PCDHGA3: variants seen among roughly 807,000 people sequenced by gnomAD.
PCDHGA3 encodes protocadherin gamma subfamily A, 3.
A neutral mutation model predicts 58.5 loss-of-function variants in PCDHGA3; 40 were observed. The observed-to-expected ratio is 0.68, with a 90% confidence interval of 0.53 to 0.89. The LOEUF (loss-of-function observed/expected upper bound fraction) is 0.89. Ranked by LOEUF, PCDHGA3 falls within the 40% of genes least tolerant of loss-of-function variation. PCDHGA3 has a pLI of 0.00. For synonymous variants in PCDHGA3, 530 were observed against 525.7 expected (o/e 1.01, Z -0.11); for missense variants, 1,223 against 1,195.9 (o/e 1.02, Z -0.33).
At chr5:141,465,889 G>A (rs956310325) in intron 1 of PCDHGA3, among the ~76,000 whole-genome samples, 4 of 152,056 alleles carry the variant, frequency 2.6e-5, no homozygotes, top group Admixed American at 6.5e-5. Context: ...TTGGGAGGCC[G>A]AGGCGGGCAA....
chr5:141,410,023 C>T (rs1172248089), intron 1 of PCDHGA3: 1 of 1,613,310 alleles, frequency 6.2e-7, no homozygotes, highest in South Asian at 1.1e-5. Flanking sequence ...TGTCCTACCA[C>T]GTGCTGCAGG....
chr5:141,374,622 T>A, intron 1 of PCDHGA3: 3 of 1,613,470 alleles, frequency 1.9e-6, no homozygotes, highest in Non-Finnish European at 2.5e-6. Context: ...CACTTCTCAG[T>A]GGACGTGCAA....
chr5:141,355,598 T>C (rs749684792), intron 1 of PCDHGA3: 15 of 1,613,952 alleles, frequency 9.3e-6, no homozygotes, highest in Non-Finnish European at 1.3e-5. Context: ...CCACCCAGTT[T>C]TGGGACAGAA....
chr5:141,456,698 C>T (rs1466672057), intron 1 of PCDHGA3, among the ~76,000 whole-genome samples: 1 of 152,132 alleles, frequency 6.6e-6, no homozygotes, highest in Non-Finnish European at 1.5e-5. Flanking sequence ...GGCGTGGTGG[C>T]TCGCGCCTGT....
intron 1 of PCDHGA3, chr5:141,377,067 G>A (rs1202945515): frequency 6.6e-6 from 1 of 152,572 alleles, no homozygotes; most frequent in Non-Finnish European, 1.5e-5. Context: ...CCTTTGCAGA[G>A]AGTCACATAA....
At chr5:141,397,324 T>C (rs2093508718) in intron 1 of PCDHGA3, among the ~76,000 whole-genome samples, 1 of 152,148 alleles carries the variant, frequency 6.6e-6, no homozygotes, top group African/African-American at 2.4e-5. Flanking sequence ...TAAAGAAAAA[T>C]TATTTTTATA....
chr5:141,396,595 G>C (rs1227428439), intron 1 of PCDHGA3: 1 of 151,972 alleles, frequency 6.6e-6, no homozygotes, highest in African/African-American at 2.4e-5. Flanking sequence ...ACTCCAGCCT[G>C]GGCAACAGGG....
chr5:141,388,237 A>G, intron 1 of PCDHGA3: 3 of 1,607,818 alleles, frequency 1.9e-6, no homozygotes, highest in Non-Finnish European at 2.6e-6. Context: ...AACTTTTATC[A>G]CGTGAATGTG....
chr5:141,374,092 T>G, intron 1 of PCDHGA3: 2 of 1,537,780 alleles, frequency 1.3e-6, no homozygotes. Flanking sequence ...TAATGGCGCC[T>G]CCGCAGAGGC....
rs1477534800 is a variant in PCDHGA3, at chr5:141,404,988, A to G, written c.2424+58531A>G. The G allele has an allele frequency of 5.0e-6, 8 of 1,613,868 alleles. 1 individual carries two copies. The South Asian group carries it at 7.7e-5, about 16-fold the overall frequency. On this transcript the variant is annotated intron_variant, in intron 1 of 3. Coordinates refer to ENST00000253812, the MANE Select transcript of PCDHGA3 (RefSeq NM_018916.4). ...ATCCTGGCTGACCTGGGCAGTCTTCAGATCCCTGCAGACCTGGAGGCCTCA... is the reference window on the plus strand; with the variant it reads ...ATCCTGGCTGACCTGGGCAGTCTTCGGATCCCTGCAGACCTGGAGGCCTCA...
chr5:141,384,370 T>G (rs769961814), intron 1 of PCDHGA3: 1 of 1,613,926 alleles, frequency 6.2e-7, no homozygotes, highest in South Asian at 1.1e-5. Context: ...CACTTATTCC[T>G]TGGCCGAAGA....
At chr5:141,394,681 C>G in intron 1 of PCDHGA3, 2 of 1,612,998 alleles carry the variant, frequency 1.2e-6, no homozygotes, top group Non-Finnish European at 1.7e-6. Context: ...GGTCTGCACA[C>G]GGGCGAGGTG....
chr5:141,381,518 A>AT (rs1173205402), intron 1 of PCDHGA3, among the ~76,000 whole-genome samples: 1 of 152,222 alleles, frequency 6.6e-6, no homozygotes, highest in Non-Finnish European at 1.5e-5. Context: ...TAGGATGAAG[A>AT]TTTGAATTGC....
At chr5:141,428,147 G>T (rs771536400) in intron 1 of PCDHGA3, 1 of 1,589,612 alleles carries the variant, frequency 6.3e-7, no homozygotes, top group South Asian at 1.1e-5. Flanking sequence ...GGCTGCACAC[G>T]GGAACCTGCT....
rs2154584583 is a variant in PCDHGA3, at chr5:141,490,717, A to G, written c.2425-4090A>G. The G allele has an allele frequency of 6.2e-7, 1 of 1,613,972 alleles. No individual in the cohort carries two copies. Among genetic ancestry groups the G allele is most frequent in the Non-Finnish European group, 8.5e-7 (1 of 1,179,936 alleles). On this transcript the variant is annotated intron_variant, in intron 1 of 3. Coordinates refer to ENST00000253812, the MANE Select transcript of PCDHGA3 (RefSeq NM_018916.4). The surrounding 1 kb of genome is among the most constrained non-coding windows in gnomAD (Gnocchi z 5.4). ...GGATAATGCCCGCCTCACCTACTCC[A>G]TTGTAGGAAATCAGGTTCAGGGAGC...
intron 1 of PCDHGA3, among the ~76,000 whole-genome samples, chr5:141,482,793 C>T (rs900216099): frequency 3.9e-5 from 5 of 128,974 alleles, no homozygotes; most frequent in Non-Finnish European, 8.1e-5. Flanking sequence ...TGTGTGTGGC[C>T]GGGTACGGTG....
At position 141,430,782 on chromosome 5, in the gene PCDHGA3, G is replaced by C. The variant is rs1220976669; in HGVS notation, c.2425-64025G>C. 2.0e-6 allele frequency: 3 copies of C among 1,510,858 alleles called. No individual in the cohort carries two copies. The East Asian group carries it at 6.9e-5, about 35-fold the overall frequency. 93.6% of individuals were successfully genotyped at this position (1,510,858 alleles called of 1,614,324 possible). A position where few individuals can be genotyped will look rare whatever the true frequency, so the allele number is the denominator to read the frequency against. ...AGAATGATTCCTGCGCGACTGCACC[G>C]GGACTACAAAGGGCTTGTCCTGCTG... On this transcript the variant is annotated intron_variant, in intron 1 of 3. Coordinates refer to ENST00000253812, the MANE Select transcript of PCDHGA3 (RefSeq NM_018916.4).
chr5:141,383,157 T>A, intron 1 of PCDHGA3: 1 of 1,614,076 alleles, frequency 6.2e-7, no homozygotes, highest in Non-Finnish European at 8.5e-7. Context: ...GCTTGGTCAC[T>A]GCGGGCAGGA....
intron 1 of PCDHGA3, among the ~76,000 whole-genome samples, chr5:141,470,055 G>A (rs1432696943): frequency 1.3e-5 from 2 of 152,192 alleles, no homozygotes; most frequent in Non-Finnish European, 1.5e-5. Context: ...TTTGAACCCC[G>A]GAGGCAGAGA....
Sources: allele counts gnomAD v4.1 joint callset (sites outside exome capture counted in the v4.1 genomes callset), GRCh38; gene constraint gnomAD v4.1.1; non-coding constraint Gnocchi (gnomAD v3.1); transcripts MANE v1.5; gene names NCBI Gene and HGNC (gene_info 2026-07-23, HGNC 2026-07-21).